Variants in RAPGEFL1 observed in about 807,000 individuals in gnomAD.
RAPGEFL1 encodes Rap guanine nucleotide exchange factor like 1.
RAPGEFL1 carries 31 observed loss-of-function variants against 64.4 expected under a neutral mutation model. The observed-to-expected ratio is 0.48, with a 90% CI of 0.36 to 0.65. The LOEUF (loss-of-function observed/expected upper bound fraction) is 0.65. Among genes scored for constraint, RAPGEFL1 ranks in the 30% least tolerant of loss-of-function variants. RAPGEFL1 has a pLI of 0.00. For synonymous variants in RAPGEFL1, 331 were observed against 274.1 expected (o/e 1.21, Z -2.05); for missense variants, 682 against 677.4 (o/e 1.01, Z -0.08).
At position 40,191,722 on chromosome 17, in the gene RAPGEFL1, C is replaced by T; in HGVS notation, c.1605+50C>T. 6.5e-7 allele frequency: 1 copy of T among 1,549,490 alleles called. No homozygotes were observed. The highest frequency in any genetic ancestry group is 1.4e-5 in the African/African-American group (1 of 73,906). On this transcript the variant is annotated intron_variant, in intron 10 of 14. Transcript: ENST00000620260. This position sits in a 1 kb window ranked among gnomAD's most constrained non-coding sequence, Gnocchi z 5.1. ...CCTGGGAATCTGGGCATCCCGGGCT[C>T]CCCGAAGTGCGTCCTCCCGGGACGG...
intron 6 of RAPGEFL1, 25 bp from the exon 7 acceptor site, chr17:40,190,409 G>A (rs1432391318): frequency 1.2e-6 from 2 of 1,609,306 alleles, no homozygotes; most frequent in African/African-American, 2.7e-5. Context: ...CAGGGGCCGA[G>A]GATGAGCAGC....
In RAPGEFL1 at chr17:40,177,635, G is replaced by A. The variant is rs1007980207; in HGVS notation, c.-227G>A. The A allele has an allele frequency of 2.5e-6, 1 of 404,544 alleles. No homozygotes were observed. 25.1% of individuals were successfully genotyped at this position (404,544 alleles called of 1,614,324 possible). A position where few individuals can be genotyped will look rare whatever the true frequency, so the allele number is the denominator to read the frequency against. On this transcript the variant is annotated 5_prime_UTR_variant, in exon 1 of 15. An upstream start codon of the reference 5' UTR is lost. Transcript: ENST00000620260. ...GCCGCGTGCCGGCTGCAGCCGGCAT[G>A]GGGGGTTGCTGAGAGCGAGCACTCC...
rs747872608 is a variant in RAPGEFL1 at position 40,188,983 on chromosome 17, G to A, written c.946+5G>A. ...CCTTCCGGGGCTCTGATGAGAGTGA[G>A]TGTGGGCATTAGGAGGGGCAGGGTG... On this transcript the variant is annotated splice_donor_5th_base_variant and intron_variant, in intron 5 of 14. Coordinates refer to ENST00000620260, the MANE Select transcript of RAPGEFL1 (RefSeq NM_016339.6). The A allele has an allele frequency of 6.2e-7, 1 of 1,612,822 alleles. No homozygotes were observed.
chr17:40,182,090 A>G (rs1384499722), intron 2 of RAPGEFL1, among the ~76,000 whole-genome samples: 1 of 152,026 alleles, frequency 6.6e-6, no homozygotes, highest in Non-Finnish European at 1.5e-5. Flanking sequence ...CTCAAAAAAA[A>G]AAGAAAAGAA....
chr17:40,188,708 C>T (rs1990159388), intron 4 of RAPGEFL1, 158 bp from the exon 5 acceptor site: 2 of 637,860 alleles, frequency 3.1e-6, no homozygotes, highest in African/African-American at 3.6e-5. Flanking sequence ...TTATCCCATA[C>T]TGCTCATTGT....
intron 4 of RAPGEFL1, among the ~76,000 whole-genome samples, chr17:40,185,854 C>T (rs1990053490): frequency 6.6e-6 from 1 of 150,706 alleles, no homozygotes; most frequent in Non-Finnish European, 1.5e-5. Context: ...GTCCCAGCTA[C>T]TCAGGAGGCT....
At chr17:40,183,058 G>A (rs556482276) in intron 2 of RAPGEFL1, among the ~76,000 whole-genome samples, 60 of 152,268 alleles carry the variant, frequency 3.9e-4, no homozygotes, top group African/African-American at 1.4e-3. Context: ...TGAGGCAGGA[G>A]AATCGCTTGA....
At chr17:40,186,974 ATTAT>A (rs1990100104) in intron 4 of RAPGEFL1, among the ~76,000 whole-genome samples, 1 of 150,788 alleles carries the variant, frequency 6.6e-6, no homozygotes, top group African/African-American at 2.4e-5. Flanking sequence ...AATTTTATGT[ATTAT>A]TTATTAATTT....
chr17:40,191,206 C>A lies in RAPGEFL1; in HGVS notation c.1336-110C>A. 2 of 987,924 alleles carry A rather than the reference C, an allele frequency of 2.0e-6. No individual in the cohort carries two copies. The highest frequency in any genetic ancestry group is 2.9e-6 in the Non-Finnish European group (2 of 700,460). 61.2% of individuals were successfully genotyped at this position (987,924 alleles called of 1,614,324 possible). A position where few individuals can be genotyped will look rare whatever the true frequency, so the allele number is the denominator to read the frequency against. On this transcript the variant is annotated intron_variant, in intron 8 of 14. Transcript: ENST00000620260. The surrounding 1 kb of genome is among the most constrained non-coding windows in gnomAD (Gnocchi z 5.1). ...TCTATTTTTCTATTTTCCACCCCTT[C>A]CGCCCCCGCCCTCCTGCCTTTCGCT...
At chr17:40,184,481 C>G (rs1989998750) in intron 3 of RAPGEFL1, 100 bp from the exon 4 acceptor site, 1 of 1,129,032 alleles carries the variant, frequency 8.9e-7, no homozygotes. Flanking sequence ...TTATATGGCT[C>G]TCCTGTGCTT....
In RAPGEFL1 at chr17:40,177,479, T is replaced by G. The variant is rs955181440; in HGVS notation, c.-383T>G. 1.4e-4 allele frequency: 87 copies of G among 626,970 alleles called. 1 individual carries two copies. In the East Asian group the frequency reaches 2.4e-3, roughly 17 times the overall value. 38.8% of individuals were successfully genotyped at this position (626,970 alleles called of 1,614,324 possible). A position where few individuals can be genotyped will look rare whatever the true frequency, so the allele number is the denominator to read the frequency against. Reference sequence around the variant, plus strand: ...GGTCTCGGTTCTGCCACCTTCCCCCTCTTCACGGCCAGGAGCGCAGCCGCC... The same window carrying G: ...GGTCTCGGTTCTGCCACCTTCCCCCGCTTCACGGCCAGGAGCGCAGCCGCC... On this transcript the variant is annotated 5_prime_UTR_variant, in exon 1 of 15. Transcript: ENST00000620260.
chr17:40,184,179 G>A (rs1989986515), intron 2 of RAPGEFL1, 35 bp from the exon 3 acceptor site: 1 of 1,458,558 alleles, frequency 6.9e-7, no homozygotes, highest in South Asian at 1.1e-5. Flanking sequence ...CCTCAGGTCT[G>A]CTTGCGTAGG....
intron 14 of RAPGEFL1, 119 bp from the exon 15 acceptor site, chr17:40,193,545 T>TGCA: frequency 6.3e-7 from 1 of 1,582,402 alleles, no homozygotes; most frequent in Non-Finnish European, 8.7e-7. Flanking sequence ...TCCTTGCCTC[T>TGCA]GCAGAGGCCT....
In RAPGEFL1 at chr17:40,184,661, G is replaced by A. The variant is rs1351900003; in HGVS notation, c.816G>A (p.Val272=). 1.3e-6 allele frequency: 2 copies of A among 1,582,326 alleles called. No individual in the cohort carries two copies. The highest frequency in any genetic ancestry group is 1.7e-6 in the Non-Finnish European group (2 of 1,157,372). The change falls in exon 4 of 15, where the codon GTG becomes GTA. Residue 272 remains valine, a synonymous_variant. Coordinates refer to ENST00000620260, the MANE Select transcript of RAPGEFL1 (RefSeq NM_016339.6). ...ACACTCTGAGGCTGCACCAGCTGGTGGAGACGGTGGAACTAAAGTGAGGGG... is the reference window on the plus strand; with the variant it reads ...ACACTCTGAGGCTGCACCAGCTGGTAGAGACGGTGGAACTAAAGTGAGGGG... ...REDTLRLHQL[V]ETVELKIPEE...
chr17:40,177,396 G>A, upstream of RAPGEFL1: 1 of 697,860 alleles, frequency 1.4e-6, no homozygotes, highest in African/African-American at 1.7e-5. Context: ...GTGCGGCGCG[G>A]GGGCGAGCCG....
chr17:40,188,004 T>G (rs1469770956), intron 4 of RAPGEFL1, among the ~76,000 whole-genome samples: 1 of 125,624 alleles, frequency 8.0e-6, no homozygotes, highest in African/African-American at 3.1e-5. Flanking sequence ...AACCTCCCCC[T>G]CCCGGGTTCA....
intron 3 of RAPGEFL1, 70 bp from the exon 4 acceptor site, chr17:40,184,511 C>T (rs1399036210): frequency 1.7e-6 from 2 of 1,181,624 alleles, no homozygotes; most frequent in African/African-American, 3.1e-5. Context: ...GAGACCTTGC[C>T]CGGCCCCTGC....
chr17:40,189,871 A>G (rs907125722), intron 6 of RAPGEFL1, among the ~76,000 whole-genome samples: 6 of 151,808 alleles, frequency 4.0e-5, no homozygotes, highest in African/African-American at 1.5e-4. Context: ...CAGGAGAATC[A>G]CTTGAACCGC....
In RAPGEFL1 at chr17:40,191,758, G is replaced by A. The variant is rs1449586524; in HGVS notation, c.1605+86G>A. 1 of 1,366,986 alleles carries A rather than the reference G, an allele frequency of 7.3e-7. No homozygotes were observed. 84.7% of individuals were successfully genotyped at this position (1,366,986 alleles called of 1,614,324 possible). A position where few individuals can be genotyped will look rare whatever the true frequency, so the allele number is the denominator to read the frequency against. ...GTCCTCCCGGGACGGCCGCCGGCCT[G>A]GAGGGAGTCTTTGCGCCAGTTGGAG... On this transcript the variant is annotated intron_variant, in intron 10 of 14. Coordinates refer to ENST00000620260, the MANE Select transcript of RAPGEFL1 (RefSeq NM_016339.6). This position sits in a 1 kb window ranked among gnomAD's most constrained non-coding sequence, Gnocchi z 5.1.
Sources: gnomAD v4.1 joint callset for allele counts (sites outside exome capture counted in the v4.1 genomes callset) on GRCh38, gnomAD v4.1.1 for gene constraint, Gnocchi (gnomAD v3.1) non-coding constraint, MANE v1.5 for transcripts, NCBI Gene and HGNC (gene_info 2026-07-23, HGNC 2026-07-21) for gene names.